DIAPH3: variants seen among roughly 807,000 people sequenced by gnomAD.
DIAPH3 encodes the protein protein diaphanous homolog 3.
A neutral mutation model predicts 144.3 loss-of-function variants in DIAPH3; 117 were observed. The ratio of observed to expected loss-of-function variants is 0.81; its 90% CI spans 0.70 to 0.95. The LOEUF (loss-of-function observed/expected upper bound fraction) is 0.95. DIAPH3 is among the 40% of genes least tolerant of loss of function. DIAPH3 has a pLI of 0.00. For synonymous variants in DIAPH3, 519 were observed against 488.9 expected (o/e 1.06, Z -0.81); for missense variants, 1,421 against 1,412.7 (o/e 1.01, Z -0.09).
At chr13:60,131,603 A>G (rs1466875520) in intron 2 of DIAPH3, among the ~76,000 whole-genome samples, 1 of 152,088 alleles carries the variant, frequency 6.6e-6, no homozygotes, top group Non-Finnish European at 1.5e-5. Flanking sequence ...ATACAGTCAG[A>G]AAGTAGATTG....
intron 25 of DIAPH3, among the ~76,000 whole-genome samples, chr13:59,789,655 C>T (rs535432545): frequency 2.6e-5 from 4 of 152,082 alleles, no homozygotes; most frequent in Admixed American, 6.6e-5. Context: ...CCTGGAACAC[C>T]GTATGATGCC....
In DIAPH3 at chr13:60,008,643, T is replaced by C; in HGVS notation, c.915A>G (p.Glu305=). Residue 305 remains glutamate (E), a synonymous_variant, in exon 9 of 28, where the codon GAA becomes GAG. Coordinates refer to ENST00000400324, the MANE Select transcript of DIAPH3 (RefSeq NM_001042517.2). ...VCIVGEESIL[E]EVLEALTSAG... is the part of the protein sequence containing the mutation. Reference sequence around the variant, plus strand: ...CTGAAGTTAAAGCTTCTAAAACTTCTTCAAGGCTATTGGAAAATTTGAGTC... The same window carrying C: ...CTGAAGTTAAAGCTTCTAAAACTTCCTCAAGGCTATTGGAAAATTTGAGTC... 1.2e-6 allele frequency: 2 copies of C among 1,609,314 alleles called. No homozygotes were observed. Among genetic ancestry groups the C allele is most frequent in the South Asian group, 2.2e-5 (2 of 90,892 alleles).
chr13:60,047,349 T>C (rs2056124251), intron 4 of DIAPH3, among the ~76,000 whole-genome samples: 1 of 152,002 alleles, frequency 6.6e-6, no homozygotes, highest in African/African-American at 2.4e-5. Context: ...AAAACTACAT[T>C]CTAAAATTTA....
intron 4 of DIAPH3, among the ~76,000 whole-genome samples, chr13:60,050,016 C>T (rs751066470): frequency 1.3e-5 from 2 of 152,074 alleles, no homozygotes; most frequent in Non-Finnish European, 2.9e-5. Context: ...ACAGTGAGAC[C>T]CCATCTCTAC....
At chr13:59,765,693 A>C (rs934890166) in intron 27 of DIAPH3, among the ~76,000 whole-genome samples, 13 of 147,812 alleles carry the variant, frequency 8.8e-5, no homozygotes, top group Non-Finnish European at 1.6e-4. Context: ...TCACTGAATA[A>C]AAACAACTAC....
chr13:59,952,734 T>C (rs1158576532), intron 17 of DIAPH3, among the ~76,000 whole-genome samples: 4 of 152,156 alleles, frequency 2.6e-5, no homozygotes, highest in Non-Finnish European at 5.9e-5. Flanking sequence ...TCTAGATCAT[T>C]TAAATATTTC....
intron 17 of DIAPH3, among the ~76,000 whole-genome samples, chr13:59,961,880 T>G (rs560700570): frequency 6.6e-6 from 1 of 152,272 alleles, no homozygotes; most frequent in East Asian, 1.9e-4. Flanking sequence ...AAAAAATACA[T>G]CAATAATATG....
At chr13:59,708,710 C>T (rs1473499202) in intron 27 of DIAPH3, among the ~76,000 whole-genome samples, 1 of 152,226 alleles carries the variant, frequency 6.6e-6, no homozygotes, top group East Asian at 1.9e-4. Flanking sequence ...CAATCTACTC[C>T]AGTCATATTG....
intron 25 of DIAPH3, among the ~76,000 whole-genome samples, chr13:59,797,452 T>G (rs141800741): frequency 2.6e-5 from 4 of 152,198 alleles, no homozygotes; most frequent in Non-Finnish European, 5.9e-5. Flanking sequence ...TCAATGCCCA[T>G]TTTTATAATT....
intron 21 of DIAPH3, among the ~76,000 whole-genome samples, chr13:59,876,393 A>G (rs1350320949): frequency 6.6e-6 from 1 of 152,190 alleles, no homozygotes; most frequent in African/African-American, 2.4e-5. Context: ...TTGCAAGAAA[A>G]TAAAGTCAAC....
chr13:59,917,693 A>C (rs567545157), intron 18 of DIAPH3, among the ~76,000 whole-genome samples: 17 of 152,056 alleles, frequency 1.1e-4, no homozygotes, highest in African/African-American at 3.6e-4. Context: ...GATCGAGATC[A>C]TCTTAACTAA....
rs915211096 is a variant in DIAPH3, at chr13:60,056,716, A to G, written c.496-13896T>C. On this transcript the variant is annotated intron_variant, in intron 4 of 27. Coordinates refer to ENST00000400324, the MANE Select transcript of DIAPH3 (RefSeq NM_001042517.2). ...GTACAAGACAATAGGAAGTATTCAAAGAATGATAGGGACAAAAAAGGACAA... is the reference window on the plus strand; with the variant it reads ...GTACAAGACAATAGGAAGTATTCAAGGAATGATAGGGACAAAAAAGGACAA... Among the ~76,000 whole-genome samples the G allele has an allele frequency of 3.3e-5, 5 of 151,816 alleles. No individual in the cohort carries two copies. The South Asian group carries it at 6.2e-4, about 19-fold the overall frequency.
intron 27 of DIAPH3, among the ~76,000 whole-genome samples, chr13:59,745,575 A>G (rs2139077996): frequency 6.6e-6 from 1 of 152,324 alleles, no homozygotes; most frequent in African/African-American, 2.4e-5. Context: ...TATGTAACAT[A>G]TGAGGTAAGG....
At chr13:59,812,784 G>GA (rs1377289986) in intron 24 of DIAPH3, among the ~76,000 whole-genome samples, 3 of 152,154 alleles carry the variant, frequency 2.0e-5, no homozygotes. Context: ...TCTAGGCCAA[G>GA]ACAGGGAGGT....
chr13:59,939,475 C>T (rs1283126487), intron 17 of DIAPH3, among the ~76,000 whole-genome samples: 1 of 152,146 alleles, frequency 6.6e-6, no homozygotes, highest in Non-Finnish European at 1.5e-5. Context: ...CCAGGGCAGA[C>T]TTTTACATGA....
chr13:59,733,274 T>G (rs1249224177), intron 27 of DIAPH3, among the ~76,000 whole-genome samples: 1 of 152,218 alleles, frequency 6.6e-6, no homozygotes, highest in Non-Finnish European at 1.5e-5. Flanking sequence ...TGTTCACTAT[T>G]GAGTAAAACT....
chr13:59,779,270 C>T (rs1351532590), intron 25 of DIAPH3, among the ~76,000 whole-genome samples: 1 of 152,166 alleles, frequency 6.6e-6, no homozygotes, highest in African/African-American at 2.4e-5. Flanking sequence ...AGACACTAGA[C>T]TATTATATAC....
At chr13:59,704,995 T>C (rs2034333862) in intron 27 of DIAPH3, among the ~76,000 whole-genome samples, 1 of 152,156 alleles carries the variant, frequency 6.6e-6, no homozygotes, top group Non-Finnish European at 1.5e-5. Flanking sequence ...ATTACAATGG[T>C]AAGATAGGAG....
chr13:60,140,719 T>G (rs2059407796), intron 1 of DIAPH3, among the ~76,000 whole-genome samples: 1 of 152,146 alleles, frequency 6.6e-6, no homozygotes, highest in Non-Finnish European at 1.5e-5. Context: ...AAAGTATTTT[T>G]TAAGTTACTA....
Sources: allele counts gnomAD v4.1 joint callset (sites outside exome capture counted in the v4.1 genomes callset), GRCh38; gene constraint gnomAD v4.1.1; transcripts MANE v1.5; gene names NCBI Gene and HGNC (gene_info 2026-07-23, HGNC 2026-07-21).